AGPAT5: variants seen among roughly 807,000 people sequenced by gnomAD.
AGPAT5 encodes 1-acyl-sn-glycerol-3-phosphate acyltransferase epsilon.
AGPAT5 carries 46 observed loss-of-function variants against 45.6 expected under a neutral mutation model. That is an observed-to-expected ratio of 1.01 (90% CI 0.80 to 1.29). The LOEUF (loss-of-function observed/expected upper bound fraction) is 1.29, where lower values mean the gene tolerates loss of function less well. Among genes scored for constraint, AGPAT5 ranks in the 50% most tolerant of loss-of-function variants. The pLI, the probability that AGPAT5 is intolerant of heterozygous loss-of-function variation, is 0.00. For missense variants in AGPAT5, 673 were observed against 450.7 expected (o/e 1.49, Z -4.47); for synonymous variants, 272 against 167.0 (o/e 1.63, Z -4.85).
chr8:6,757,665 A>G lies in AGPAT5; in HGVS notation c.*277A>G. Reference sequence around the variant, plus strand: ...TCCTATGAACTAATGACAACTTGAGAAGGCTGGGAGGATTGTGTATTTTGC... The same window carrying G: ...TCCTATGAACTAATGACAACTTGAGGAGGCTGGGAGGATTGTGTATTTTGC... On this transcript the variant is annotated 3_prime_UTR_variant, in exon 8 of 8. Coordinates refer to ENST00000285518, the MANE Select transcript of AGPAT5 (RefSeq NM_018361.5). The G allele has an allele frequency of 3.3e-6, 1 of 301,828 alleles. No homozygotes were observed. 18.7% of individuals were successfully genotyped at this position (301,828 alleles called of 1,614,324 possible). A position where few individuals can be genotyped will look rare whatever the true frequency, so the allele number is the denominator to read the frequency against.
chr8:6,708,653 C>A lies in AGPAT5; in HGVS notation c.-16C>A, dbSNP rs182197525. ...CGGGGAGCGCAGGCGGAGCTCGCTG[C>A]CGCCGAGCTGAGAAGATGCTGCTGT... On this transcript the variant is annotated 5_prime_UTR_variant, in exon 1 of 8. Coordinates refer to ENST00000285518, the MANE Select transcript of AGPAT5 (RefSeq NM_018361.5). The A allele has an allele frequency of 3.1e-4, 477 of 1,520,420 alleles. 1 individual carries two copies. In the African/African-American group the frequency reaches 6.2e-3, roughly 20 times the overall value. The allele number at this position is 1,520,420 out of a possible 1,614,324, so 94.2% of individuals were successfully genotyped here.
At chr8:6,719,109 G>A (rs930657718) in intron 1 of AGPAT5, among the ~76,000 whole-genome samples, 2 of 152,208 alleles carry the variant, frequency 1.3e-5, no homozygotes. Flanking sequence ...CATAAATCTG[G>A]AGAAAGATTA....
chr8:6,745,427 A>G lies in AGPAT5; in HGVS notation c.587-2243A>G, dbSNP rs569299124. Among the ~76,000 whole-genome samples, 7 of 152,316 alleles carry G rather than the reference A, an allele frequency of 4.6e-5. No homozygotes were observed. In the East Asian group the frequency reaches 1.3e-3, roughly 29 times the overall value. ...GTTTGACTCCATCCACTCTCCAGAA[A>G]TGAATCCCACTTCTCACTTAACCAC... On this transcript the variant is annotated intron_variant, in intron 5 of 7. Coordinates refer to ENST00000285518, the MANE Select transcript of AGPAT5 (RefSeq NM_018361.5).
intron 6 of AGPAT5, among the ~76,000 whole-genome samples, chr8:6,752,217 A>G (rs1253121383): frequency 6.6e-6 from 1 of 152,194 alleles, no homozygotes; most frequent in East Asian, 1.9e-4. Context: ...CAGATAACCC[A>G]AAGAAGAAGG....
At chr8:6,717,196 C>T (rs1800361161) in intron 1 of AGPAT5, among the ~76,000 whole-genome samples, 1 of 152,182 alleles carries the variant, frequency 6.6e-6, no homozygotes, top group Non-Finnish European at 1.5e-5. Context: ...ATGCAATTCT[C>T]CAAGGTTTTA....
At chr8:6,734,772 G>C (rs1587033222) in intron 4 of AGPAT5, among the ~76,000 whole-genome samples, 1 of 151,944 alleles carries the variant, frequency 6.6e-6, no homozygotes, top group Non-Finnish European at 1.5e-5. Context: ...CTTTAGTGTT[G>C]AGGAGTGGAG....
chr8:6,736,670 A>G (rs757634479), intron 4 of AGPAT5, among the ~76,000 whole-genome samples: 6 of 152,246 alleles, frequency 3.9e-5, no homozygotes, highest in Non-Finnish European at 5.9e-5. Flanking sequence ...TACCTGTTTT[A>G]GCTGGGCCCC....
chr8:6,753,364 A>G (rs1435180025), intron 6 of AGPAT5, among the ~76,000 whole-genome samples: 1 of 152,178 alleles, frequency 6.6e-6, no homozygotes, highest in Non-Finnish European at 1.5e-5. Flanking sequence ...TGATTACTTA[A>G]TTATGGAAAT....
At chr8:6,740,991 C>T (rs1032130566) in intron 4 of AGPAT5, among the ~76,000 whole-genome samples, 2 of 152,102 alleles carry the variant, frequency 1.3e-5, no homozygotes, top group African/African-American at 4.8e-5. Flanking sequence ...TTTAATGTTT[C>T]TGTTTTTACT....
Position 6,760,131 on chromosome 8 carries a change from G to T in AGPAT5, c.*2743G>T, listed in dbSNP as rs1223468411. 1.3e-5 allele frequency among the ~76,000 whole-genome samples: 2 copies of T among 152,078 alleles called. No individual in the cohort carries two copies. The highest frequency in any genetic ancestry group is 2.9e-5 in the Non-Finnish European group (2 of 68,026). Reference sequence around the variant, plus strand: ...ATAATTATATTCTTTGAATAGGTCTGTGTCAATCAAGTGATCTAACTAGAC... The same window carrying T: ...ATAATTATATTCTTTGAATAGGTCTTTGTCAATCAAGTGATCTAACTAGAC... On this transcript the variant is annotated 3_prime_UTR_variant, in exon 8 of 8. Transcript: ENST00000285518.
chr8:6,736,854 C>A (rs1237556847), intron 4 of AGPAT5, among the ~76,000 whole-genome samples: 1 of 152,240 alleles, frequency 6.6e-6, no homozygotes, highest in Non-Finnish European at 1.5e-5. Context: ...CTGATTCTCT[C>A]TTCACAGTTC....
chr8:6,714,785 G>A (rs1215080098), intron 1 of AGPAT5, among the ~76,000 whole-genome samples: 2 of 152,164 alleles, frequency 1.3e-5, no homozygotes, highest in African/African-American at 2.4e-5. Context: ...AAATATACCT[G>A]CATACCTATG....
chr8:6,713,720 A>AT (rs11461696), intron 1 of AGPAT5, among the ~76,000 whole-genome samples: 105,898 of 150,300 alleles, frequency 0.7, 37,641 homozygotes, highest in African/African-American at 0.81. Context: ...TGCCCAGCTA[A>AT]TTTTTTTTTT....
intron 2 of AGPAT5, among the ~76,000 whole-genome samples, chr8:6,729,538 T>C (rs1176747674): frequency 1.3e-5 from 2 of 152,186 alleles, no homozygotes; most frequent in Non-Finnish European, 2.9e-5. Flanking sequence ...TTCTTTCTCA[T>C]CAGGAGATAG....
At chr8:6,737,766 A>T (rs1345886779) in intron 4 of AGPAT5, among the ~76,000 whole-genome samples, 1 of 152,118 alleles carries the variant, frequency 6.6e-6, no homozygotes, top group Non-Finnish European at 1.5e-5. Context: ...TTTAATCTTT[A>T]TTTTATTTCA....
intron 1 of AGPAT5, 36 bp from the exon 2 acceptor site, chr8:6,724,834 A>G: frequency 1.5e-6 from 1 of 682,452 alleles, no homozygotes; most frequent in Non-Finnish European, 2.2e-6. Flanking sequence ...GATGTTTTAA[A>G]ATATCAAAGT....
chr8:6,736,243 A>G (rs1235699008), intron 4 of AGPAT5, among the ~76,000 whole-genome samples: 6 of 152,212 alleles, frequency 3.9e-5, no homozygotes, highest in Non-Finnish European at 8.8e-5. Flanking sequence ...GTACCACACT[A>G]TTAATTGTAC....
At position 6,757,556 on chromosome 8, in the gene AGPAT5, G is replaced by A. The variant is rs1801886892; in HGVS notation, c.*168G>A. The A allele has an allele frequency of 1.6e-6, 1 of 606,750 alleles. No individual in the cohort carries two copies. Among genetic ancestry groups the A allele is most frequent in the Non-Finnish European group, 2.9e-6 (1 of 348,944 alleles). 37.6% of individuals were successfully genotyped at this position (606,750 alleles called of 1,614,324 possible). On this transcript the variant is annotated 3_prime_UTR_variant, in exon 8 of 8. Coordinates refer to ENST00000285518, the MANE Select transcript of AGPAT5 (RefSeq NM_018361.5). ...GAAAGCTGATATGCAATGGTCTTGG[G>A]CAAACATACCTGGTTGTACAACTTT...
At chr8:6,753,979 C>T (rs370255028) in intron 6 of AGPAT5, among the ~76,000 whole-genome samples, 4 of 152,156 alleles carry the variant, frequency 2.6e-5, no homozygotes, top group South Asian at 2.1e-4. Context: ...AAGTCTTCCT[C>T]GGACGGTGGA....
Sources: gnomAD v4.1 joint callset for allele counts (sites outside exome capture counted in the v4.1 genomes callset) on GRCh38, gnomAD v4.1.1 for gene constraint, MANE v1.5 for transcripts, NCBI Gene and HGNC (gene_info 2026-07-23, HGNC 2026-07-21) for gene names.